Variants in SRGAP1 observed in about 807,000 individuals in gnomAD.
SRGAP1 encodes the protein SLIT-ROBO Rho GTPase activating protein 1.
Under a neutral mutation model 121.9 loss-of-function variants are expected in SRGAP1, and 43 were observed. That is an observed-to-expected ratio of 0.35 (90% CI 0.28 to 0.46). The LOEUF (loss-of-function observed/expected upper bound fraction) is 0.46, where lower values mean the gene tolerates loss of function less well. Ranked by LOEUF, SRGAP1 falls within the 20% of genes least tolerant of loss-of-function variation. The pLI, the probability that SRGAP1 is intolerant of heterozygous loss-of-function variation, is 1.00. For missense variants in SRGAP1, 1,102 were observed against 1,350.9 expected (o/e 0.82, Z 2.89); for synonymous variants, 447 against 485.4 (o/e 0.92, Z 1.04).
chr12:64,019,272 C>T (rs1293217990), intron 4 of SRGAP1, among the ~76,000 whole-genome samples: 1 of 152,128 alleles, frequency 6.6e-6, no homozygotes, highest in African/African-American at 2.4e-5. Flanking sequence ...GACTCTGTAG[C>T]GTTCAAGTGA....
intron 1 of SRGAP1, among the ~76,000 whole-genome samples, chr12:63,865,479 T>C (rs6581510): frequency 0.29 from 43,784 of 151,706 alleles, 7,195 homozygotes; most frequent in East Asian, 0.55. Flanking sequence ...CACCCGCCGC[T>C]GCCAAAAAAA....
At chr12:63,953,814 A>G (rs570709720) in intron 1 of SRGAP1, among the ~76,000 whole-genome samples, 1 of 152,260 alleles carries the variant, frequency 6.6e-6, no homozygotes, top group Non-Finnish European at 1.5e-5. Flanking sequence ...AATAACATGG[A>G]ACTGGTTCAT....
Position 64,158,768 on chromosome 12 carries a change from T to C in SRGAP1, c.*16096T>C, listed in dbSNP as rs1213005954. 2 of 149,516 alleles carry C rather than the reference T, an allele frequency of 1.3e-5. No homozygotes were observed. The highest frequency in any genetic ancestry group is 1.3e-4 in the Admixed American group (2 of 15,090). 9.3% of individuals were successfully genotyped at this position (149,516 alleles called of 1,614,324 possible). On this transcript the variant is annotated 3_prime_UTR_variant, in exon 22 of 22. Coordinates refer to ENST00000355086, the MANE Select transcript of SRGAP1 (RefSeq NM_020762.4). The stretch of plus-strand genomic sequence containing the variant: ...GCCTGGGTGACAGGGTGAGACTCCA[T>C]CTTAAGAAGAAAAAAAAAGCAATTA...
chr12:64,078,834 A>G lies in SRGAP1; in HGVS notation c.1126-85A>G, dbSNP rs796661019. On this transcript the variant is annotated intron_variant, in intron 8 of 21. Transcript: ENST00000355086. The stretch of plus-strand genomic sequence containing the variant: ...TGGCGGGGGCAGGCCCTGTGTCCTC[A>G]TCTCTACCTGACAGAGTGGACTCTC... 2.1e-6 allele frequency: 3 copies of G among 1,442,002 alleles called. No individual in the cohort carries two copies. In the South Asian group the frequency reaches 3.8e-5, roughly 18 times the overall value. The allele number at this position is 1,442,002 out of a possible 1,614,324, so 89.3% of individuals were successfully genotyped here.
chr12:63,878,170 T>C (rs1900086493), intron 1 of SRGAP1, among the ~76,000 whole-genome samples: 2 of 152,192 alleles, frequency 1.3e-5, no homozygotes, highest in Non-Finnish European at 2.9e-5. Context: ...TGTTTATGGA[T>C]ATCATTATCT....
At chr12:63,887,644 T>C (rs1318321640) in intron 1 of SRGAP1, 1 of 152,212 alleles carries the variant, frequency 6.6e-6, no homozygotes, top group African/African-American at 2.4e-5. Context: ...GTTTGAATTG[T>C]CTTAGGTCTG....
At chr12:63,850,215 A>G (rs1899031135) in intron 1 of SRGAP1, among the ~76,000 whole-genome samples, 1 of 152,194 alleles carries the variant, frequency 6.6e-6, no homozygotes, top group South Asian at 2.1e-4. Flanking sequence ...GGTTAGTTTC[A>G]TGAACTTCAG....
chr12:64,057,068 G>C (rs2035357691), intron 6 of SRGAP1, among the ~76,000 whole-genome samples: 1 of 152,132 alleles, frequency 6.6e-6, no homozygotes, highest in Non-Finnish European at 1.5e-5. Flanking sequence ...CAGCTCCTCT[G>C]AAGGAAATGA....
chr12:63,860,359 C>A (rs1899402212), intron 1 of SRGAP1, among the ~76,000 whole-genome samples: 1 of 151,998 alleles, frequency 6.6e-6, no homozygotes, highest in South Asian at 2.1e-4. Flanking sequence ...TTATTTTTTC[C>A]TTTTAATATA....
chr12:63,857,114 C>T (rs1466459106), intron 1 of SRGAP1, among the ~76,000 whole-genome samples: 3 of 135,738 alleles, frequency 2.2e-5, no homozygotes, highest in Non-Finnish European at 3.1e-5. Flanking sequence ...GATGGAGTTT[C>T]GCTTACCCAG....
chr12:63,996,083 A>G (rs1031064354), intron 3 of SRGAP1, among the ~76,000 whole-genome samples: 1 of 151,884 alleles, frequency 6.6e-6, no homozygotes, highest in African/African-American at 2.4e-5. Context: ...TCTATATGTG[A>G]AAAAAGAACC....
chr12:63,937,309 G>A (rs888081728), intron 1 of SRGAP1, among the ~76,000 whole-genome samples: 1 of 152,196 alleles, frequency 6.6e-6, no homozygotes, highest in Non-Finnish European at 1.5e-5. Context: ...CACAAAAAGA[G>A]AGGCAGGTCT....
intron 1 of SRGAP1, among the ~76,000 whole-genome samples, chr12:63,938,553 C>G (rs1025308547): frequency 6.6e-6 from 1 of 152,116 alleles, no homozygotes; most frequent in Non-Finnish European, 1.5e-5. Context: ...CTTCCCTGTT[C>G]CTCTCTTTTC....
At chr12:63,955,177 G>A (rs866997720) in intron 1 of SRGAP1, among the ~76,000 whole-genome samples, 3 of 152,114 alleles carry the variant, frequency 2.0e-5, no homozygotes, top group African/African-American at 7.2e-5. Flanking sequence ...GAATTAGCCA[G>A]GTGTGGTGAT....
At chr12:63,906,699 C>T (rs1385788189) in intron 1 of SRGAP1, among the ~76,000 whole-genome samples, 1 of 152,010 alleles carries the variant, frequency 6.6e-6, no homozygotes, top group Non-Finnish European at 1.5e-5. Flanking sequence ...CAATTGTTAC[C>T]AAGTAACAAT....
intron 6 of SRGAP1, among the ~76,000 whole-genome samples, chr12:64,052,327 G>C (rs899411326): frequency 6.6e-6 from 1 of 152,130 alleles, no homozygotes; most frequent in Non-Finnish European, 1.5e-5. Flanking sequence ...GCTGAGGCAG[G>C]CAGATCACCT....
chr12:63,892,296 C>G (rs1416968197), intron 1 of SRGAP1, among the ~76,000 whole-genome samples: 5 of 151,934 alleles, frequency 3.3e-5, no homozygotes, highest in Admixed American at 6.6e-5. Flanking sequence ...TCAAATAGGG[C>G]TAATGAAAAA....
chr12:63,981,927 TGTTTGGCCGG>T (rs1199409006), intron 1 of SRGAP1, among the ~76,000 whole-genome samples: 1 of 152,062 alleles, frequency 6.6e-6, no homozygotes, highest in Non-Finnish European at 1.5e-5. Context: ...GGATGGGAAG[TGTTTGGCCGG>T]GCGCGGTGGC....
chr12:63,866,735 T>C (rs1565926936), intron 1 of SRGAP1, among the ~76,000 whole-genome samples: 1 of 146,618 alleles, frequency 6.8e-6, no homozygotes, highest in African/African-American at 2.5e-5. Flanking sequence ...TTTTTTTTTC[T>C]TTTTTTTTTT....
Sources: allele counts gnomAD v4.1 joint callset (sites outside exome capture counted in the v4.1 genomes callset), GRCh38; gene constraint gnomAD v4.1.1; transcripts MANE v1.5; gene names NCBI Gene and HGNC (gene_info 2026-07-23, HGNC 2026-07-21).